Variants in FSTL5 observed in about 807,000 individuals in gnomAD.
The protein encoded by FSTL5 is follistatin-related protein 5.
FSTL5 carries 62 observed loss-of-function variants against 89.1 expected under a neutral mutation model. The ratio of observed to expected loss-of-function variants is 0.70; its 90% confidence interval spans 0.57 to 0.86. FSTL5 has a LOEUF of 0.86. Among genes scored for constraint, FSTL5 ranks in the 40% least tolerant of loss-of-function variants. FSTL5 has a pLI of 0.00. For synonymous variants in FSTL5, 383 were observed against 346.2 expected (o/e 1.11, Z -1.18); for missense variants, 1,057 against 1,001.6 (o/e 1.06, Z -0.75).
intron 4 of FSTL5, among the ~76,000 whole-genome samples, chr4:161,914,479 A>C (rs1285324730): frequency 6.6e-6 from 1 of 152,298 alleles, no homozygotes; most frequent in African/African-American, 2.4e-5. Context: ...GTAAAATAAT[A>C]TTAAGTTATA....
chr4:162,159,785 C>A (rs908885947), intron 1 of FSTL5, among the ~76,000 whole-genome samples: 6 of 151,920 alleles, frequency 3.9e-5, no homozygotes, highest in African/African-American at 1.2e-4. Flanking sequence ...GCTATAAACT[C>A]TTCATTATGC....
At chr4:161,505,855 A>C (rs2126492822) in intron 11 of FSTL5, among the ~76,000 whole-genome samples, 1 of 152,190 alleles carries the variant, frequency 6.6e-6, no homozygotes, top group South Asian at 2.1e-4. Context: ...GACTGATGTA[A>C]GTTTTTAGCA....
intron 4 of FSTL5, among the ~76,000 whole-genome samples, chr4:161,847,850 A>C (rs1731417932): frequency 6.6e-6 from 1 of 151,904 alleles, no homozygotes; most frequent in Non-Finnish European, 1.5e-5. Context: ...CAGCCTGGAC[A>C]ACATGGTGAG....
chr4:161,608,904 T>A (rs1167618432), intron 7 of FSTL5, among the ~76,000 whole-genome samples: 1 of 152,090 alleles, frequency 6.6e-6, no homozygotes, highest in African/African-American at 2.4e-5. Context: ...TTTTCACACC[T>A]GTTGCCTGGT....
chr4:161,435,266 G>T (rs182665464), intron 15 of FSTL5, among the ~76,000 whole-genome samples: 2 of 152,146 alleles, frequency 1.3e-5, no homozygotes, highest in African/African-American at 2.4e-5. Context: ...ATTGTTATTT[G>T]CAATAACATG....
At chr4:161,981,377 A>G (rs1332529456) in intron 3 of FSTL5, among the ~76,000 whole-genome samples, 1 of 152,212 alleles carries the variant, frequency 6.6e-6, no homozygotes, top group African/African-American at 2.4e-5. Context: ...CCAATAAGAA[A>G]GCAGAGTAAT....
chr4:161,954,833 T>C, intron 3 of FSTL5, among the ~76,000 whole-genome samples: 1 of 151,808 alleles, frequency 6.6e-6, no homozygotes, highest in African/African-American at 2.4e-5. Flanking sequence ...TATAATGAAC[T>C]AAATTGAAGA....
rs1454995799 is a variant in FSTL5 at position 161,622,411 on chromosome 4, TAACA to T, written c.894+33913_894+33916del. 3.9e-5 allele frequency among the ~76,000 whole-genome samples: 6 copies of T among 152,130 alleles called. No individual in the cohort carries two copies. In the East Asian group the frequency reaches 9.7e-4, roughly 24 times the overall value. ...TCAGTGAAAGCTTGACGTAAAAACATAACAAACACATTACTACAATAGAAAATTA... is the reference window on the plus strand; with the variant it reads ...TCAGTGAAAGCTTGACGTAAAAACATAACACATTACTACAATAGAAAATTA... On this transcript the variant is annotated intron_variant, in intron 7 of 15. Transcript: ENST00000306100.
At chr4:161,597,563 G>A (rs1016659045) in intron 7 of FSTL5, among the ~76,000 whole-genome samples, 1 of 151,578 alleles carries the variant, frequency 6.6e-6, no homozygotes, top group Admixed American at 6.6e-5. Flanking sequence ...GACCAATATG[G>A]CACATGTATA....
At chr4:162,140,860 T>C (rs2111480049) in intron 1 of FSTL5, among the ~76,000 whole-genome samples, 1 of 152,250 alleles carries the variant, frequency 6.6e-6, no homozygotes, top group Middle Eastern at 3.4e-3. Flanking sequence ...AGGAGGTTAA[T>C]ATGACCCCAA....
Position 161,913,204 on chromosome 4 carries a change from G to A in FSTL5, c.409+7200C>T, listed in dbSNP as rs534845521. ...GCGGCTACAGGAATTTGTATAAGCA[G>A]CAAGGAGCCTAATGTTAATCTCCAA... On this transcript the variant is annotated intron_variant, in intron 4 of 15. Transcript: ENST00000306100. Among the ~76,000 whole-genome samples the A allele has an allele frequency of 7.6e-4, 116 of 152,308 alleles. 1 individual carries two copies. The highest frequency in any genetic ancestry group is 2.2e-3 in the African/African-American group (93 of 41,576).
chr4:161,843,815 C>A (rs953094950), intron 4 of FSTL5, among the ~76,000 whole-genome samples: 1 of 151,952 alleles, frequency 6.6e-6, no homozygotes, highest in African/African-American at 2.4e-5. Flanking sequence ...AAGACTTAAA[C>A]GTAAGTCCTA....
intron 3 of FSTL5, among the ~76,000 whole-genome samples, chr4:162,017,305 A>C (rs1195371380): frequency 6.6e-6 from 1 of 152,076 alleles, no homozygotes; most frequent in East Asian, 1.9e-4. Context: ...CAACATCTCT[A>C]CCTAAGTTGT....
At chr4:161,561,212 T>TAGAC (rs1475776476) in intron 8 of FSTL5, among the ~76,000 whole-genome samples, 1 of 151,804 alleles carries the variant, frequency 6.6e-6, no homozygotes, top group Non-Finnish European at 1.5e-5. Context: ...GATAGATAGA[T>TAGAC]AGATACATAG....
At chr4:162,071,020 G>A (rs533148260) in intron 2 of FSTL5, among the ~76,000 whole-genome samples, 1 of 151,674 alleles carries the variant, frequency 6.6e-6, no homozygotes, top group South Asian at 2.1e-4. Flanking sequence ...AATCGAATCT[G>A]ATAACTATAG....
chr4:161,543,518 G>GA (rs994030844), intron 8 of FSTL5, among the ~76,000 whole-genome samples: 18 of 149,330 alleles, frequency 1.2e-4, no homozygotes, highest in African/African-American at 3.2e-4. Context: ...CCCAAGTGGT[G>GA]AAAAAAAAAA....
chr4:161,848,125 G>A (rs1387704916), intron 4 of FSTL5, among the ~76,000 whole-genome samples: 3 of 148,904 alleles, frequency 2.0e-5, no homozygotes, highest in African/African-American at 4.9e-5. Context: ...AAAGGTAATC[G>A]TCTGCAGCAT....
At chr4:161,963,100 A>G (rs774407680) in intron 3 of FSTL5, among the ~76,000 whole-genome samples, 1 of 151,966 alleles carries the variant, frequency 6.6e-6, no homozygotes, top group Non-Finnish European at 1.5e-5. Flanking sequence ...ATTTAAATAA[A>G]ATATGTAAGT....
chr4:161,475,210 C>T (rs2126442531), intron 13 of FSTL5, among the ~76,000 whole-genome samples: 1 of 152,124 alleles, frequency 6.6e-6, no homozygotes, highest in East Asian at 1.9e-4. Context: ...AAGTATAATT[C>T]CAACATGTCT....
Sources: allele counts gnomAD v4.1 joint callset (sites outside exome capture counted in the v4.1 genomes callset), GRCh38; gene constraint gnomAD v4.1.1; transcripts MANE v1.5; gene names NCBI Gene and HGNC (gene_info 2026-07-23, HGNC 2026-07-21).